The following CARS2 variants were observed in gnomAD, a reference collection of about 807,000 sequenced individuals.
CARS2 encodes cysteinyl-tRNA synthetase 2, mitochondrial.
A neutral mutation model predicts 68.8 loss-of-function variants in CARS2; 52 were observed. The ratio of observed to expected loss-of-function variants is 0.76; its 90% confidence interval spans 0.61 to 0.95. CARS2 has a LOEUF of 0.95. Among genes scored for constraint, CARS2 ranks in the 40% least tolerant of loss-of-function variants. CARS2 has a pLI of 0.00. For synonymous variants in CARS2, 314 were observed against 303.6 expected (o/e 1.03, Z -0.36); for missense variants, 780 against 754.2 (o/e 1.03, Z -0.40).
intron 7 of CARS2, among the ~76,000 whole-genome samples, chr13:110,672,470 G>A (rs573310573): frequency 6.6e-6 from 1 of 152,286 alleles, no homozygotes; most frequent in South Asian, 2.1e-4. Context: ...TGACTACTGG[G>A]TACATAATGA....
chr13:110,701,374 T>G (rs2063780335), intron 3 of CARS2, 64 bp downstream of exon 3: 2 of 843,840 alleles, frequency 2.4e-6, no homozygotes, highest in African/African-American at 3.4e-5. Context: ...AAGAACCACT[T>G]TCAGGAAGGG....
intron 3 of CARS2, among the ~76,000 whole-genome samples, chr13:110,690,767 C>T (rs1057032651): frequency 2.0e-5 from 3 of 152,240 alleles, no homozygotes; most frequent in African/African-American, 7.2e-5. Context: ...GCTGTGCCAG[C>T]TACACCCGAC....
At chr13:110,706,300 G>C (rs1349353291), upstream of CARS2, 7 of 332,818 alleles carry the variant, frequency 2.1e-5, no homozygotes, top group African/African-American at 8.7e-5. Flanking sequence ...CGAAGAGGTT[G>C]GGGCGGGGAA....
In CARS2 at chr13:110,665,196, C is replaced by G; in HGVS notation, c.920-1678G>C. 1 of 981,326 alleles carries G rather than the reference C, an allele frequency of 1.0e-6. No homozygotes were observed. Among genetic ancestry groups the G allele is most frequent in the Non-Finnish European group, 1.2e-6 (1 of 826,216 alleles). 60.8% of individuals were successfully genotyped at this position (981,326 alleles called of 1,614,324 possible). A position where few individuals can be genotyped will look rare whatever the true frequency, so the allele number is the denominator to read the frequency against. On this transcript the variant is annotated intron_variant, in intron 8 of 14. Transcript: ENST00000257347. The surrounding 1 kb of genome is among the most constrained non-coding windows in gnomAD (Gnocchi z 4.3). ...GTGCAGTGGCTCACGCCTATAATCC[C>G]AGCACTTTGGGAGGCAGAGGTGGCA...
chr13:110,642,322 T>C lies in CARS2; in HGVS notation c.1616A>G (p.Asn539Ser). ...CCTTGGTGCGGCACTCACCTTGATG[T>C]TGATGCCGTGGGCAGTCAGGCCCCG... is the stretch of plus-strand genomic sequence containing the variant. Reference protein sequence around the residue: ...LRRGLTAHGINIKDRSSTTST... With the variant: ...LRRGLTAHGISIKDRSSTTST... The change falls in exon 14 of 15, where the codon AAC becomes AGC. Residue 539 changes from asparagine to serine, a missense_variant. Coordinates refer to ENST00000257347, the MANE Select transcript of CARS2 (RefSeq NM_024537.4). 1 of 1,549,824 alleles carries C rather than the reference T, an allele frequency of 6.5e-7. No individual in the cohort carries two copies. Among genetic ancestry groups the C allele is most frequent in the East Asian group, 2.4e-5 (1 of 40,888 alleles).
At chr13:110,679,073 C>T (rs911141833) in intron 6 of CARS2, among the ~76,000 whole-genome samples, 4 of 152,244 alleles carry the variant, frequency 2.6e-5, no homozygotes, top group African/African-American at 7.2e-5. Flanking sequence ...AATGAAACCC[C>T]GTGGCCCTGA....
chr13:110,642,592 G>C (rs200972973), intron 13 of CARS2, 71 bp from the exon 14 acceptor site: 3 of 1,476,784 alleles, frequency 2.0e-6, no homozygotes, highest in Admixed American at 1.7e-5. Context: ...CCACCCCGTG[G>C]TTGGGCTCTG....
chr13:110,710,259 G>A (rs182876778), upstream of CARS2, among the ~76,000 whole-genome samples: 16 of 152,222 alleles, frequency 1.1e-4, no homozygotes, highest in East Asian at 2.5e-3. Context: ...TCCGGCACCC[G>A]TAATCCCAGC....
At chr13:110,691,182 A>AT (rs1343044002) in intron 3 of CARS2, among the ~76,000 whole-genome samples, 6 of 152,128 alleles carry the variant, frequency 3.9e-5, no homozygotes, top group Admixed American at 3.9e-4. Flanking sequence ...TGCATGGCTA[A>AT]TTTTTGTATT....
At chr13:110,666,814 G>A (rs2062660949) in intron 8 of CARS2, 1 of 985,404 alleles carries the variant, frequency 1.0e-6, no homozygotes, top group Non-Finnish European at 1.2e-6. Context: ...AGTTAATCGT[G>A]ACCCTGTAAA....
chr13:110,707,108 T>C (rs1363907842), upstream of CARS2, among the ~76,000 whole-genome samples: 2 of 150,336 alleles, frequency 1.3e-5, no homozygotes, highest in East Asian at 3.9e-4. Context: ...CCCAGTACAG[T>C]GTGCACCCCA....
At chr13:110,712,882 A>C (rs1232006849) in intron 1 of CARS2, 1 of 1,396,016 alleles carries the variant, frequency 7.2e-7, no homozygotes. Context: ...TTCCAAACTG[A>C]GTACCGGGAG....
chr13:110,687,419 C>T (rs1424730049), intron 5 of CARS2, among the ~76,000 whole-genome samples: 2 of 152,034 alleles, frequency 1.3e-5, no homozygotes, highest in Non-Finnish European at 2.9e-5. Context: ...CCTGTAATCC[C>T]AGCACTTTGG....
rs200796746 is a variant in CARS2, at chr13:110,679,569, GAGAGAGAAAGAA to G, written c.656-2478_656-2467del. On this transcript the variant is annotated intron_variant, in intron 6 of 14. Transcript: ENST00000257347. ...AAAAGAAAAGAAAGAAAGAAAGAAAGAGAGAGAAAGAAAGAAAGAAAGAAAGAAAGAGAGAGA... is the reference window on the plus strand; with the variant it reads ...AAAAGAAAAGAAAGAAAGAAAGAAAGAGAAAGAAAGAAAGAAAGAGAGAGA... Among the ~76,000 whole-genome samples the G allele has an allele frequency of 3.5e-3, 347 of 98,260 alleles. 13 individuals are homozygous for G. Among genetic ancestry groups the G allele is most frequent in the South Asian group, 9.1e-3 (22 of 2,418 alleles). 64.5% of individuals were successfully genotyped at this position (98,260 alleles called of 152,430 possible).
intron 14 of CARS2, 105 bp downstream of exon 14, chr13:110,642,210 A>G: frequency 1.1e-6 from 1 of 913,752 alleles, no homozygotes; most frequent in Non-Finnish European, 1.7e-6. Context: ...TCCGTCTCAA[A>G]AAAAAAGCAT....
upstream of CARS2, chr13:110,706,176 G>A (rs866462273): frequency 1.2e-5 from 12 of 971,612 alleles, no homozygotes; most frequent in Middle Eastern, 3.9e-4. Flanking sequence ...GCACGGCCCC[G>A]CCCCGCCCCG....
At chr13:110,709,873 TGTTAAA>T (rs554620443), upstream of CARS2, among the ~76,000 whole-genome samples, 18 of 152,296 alleles carry the variant, frequency 1.2e-4, no homozygotes, top group East Asian at 2.9e-3. Flanking sequence ...CGAGGAAGTG[TGTTAAA>T]GTTAATGATT....
At chr13:110,698,115 C>A (rs368125366) in intron 3 of CARS2, 2 of 382,110 alleles carry the variant, frequency 5.2e-6, no homozygotes, top group African/African-American at 2.1e-5. Context: ...AAGGAAGATG[C>A]ATGGGTGTGA....
chr13:110,682,863 G>A (rs1453908972), intron 6 of CARS2, among the ~76,000 whole-genome samples, 188 bp downstream of exon 6: 3 of 152,200 alleles, frequency 2.0e-5, no homozygotes, highest in East Asian at 1.9e-4. Flanking sequence ...CCCACTTGCC[G>A]TTTGAACTAT....
Sources: allele counts gnomAD v4.1 joint callset (sites outside exome capture counted in the v4.1 genomes callset), GRCh38; gene constraint gnomAD v4.1.1; non-coding constraint Gnocchi (gnomAD v3.1); transcripts MANE v1.5; gene names NCBI Gene and HGNC (gene_info 2026-07-23, HGNC 2026-07-21).